NTF3: variants seen among roughly 807,000 people sequenced by gnomAD.
NTF3 encodes neurotrophin-3.
A neutral mutation model predicts 26.3 loss-of-function variants in NTF3; 8 were observed. The observed-to-expected ratio is 0.30, with a 90% CI of 0.18 to 0.55. The LOEUF (loss-of-function observed/expected upper bound fraction) is 0.55, where lower values mean the gene tolerates loss of function less well. Ranked by LOEUF, NTF3 falls within the 20% of genes least tolerant of loss-of-function variation. NTF3 has a pLI of 0.93. For synonymous variants in NTF3, 154 were observed against 145.5 expected, an observed-to-expected ratio of 1.06 and a Z score of -0.42; for missense variants, 276 against 352.9, an observed-to-expected ratio of 0.78 and a Z score of 1.75.
At chr12:5,481,741 A>G (rs1940805261) in intron 1 of NTF3, among the ~76,000 whole-genome samples, 1 of 150,784 alleles carries the variant, frequency 6.6e-6, no homozygotes, top group South Asian at 2.1e-4. Flanking sequence ...ACACAGAATA[A>G]CACCACACAC....
At chr12:5,469,841 T>C (rs1045808933) in intron 1 of NTF3, among the ~76,000 whole-genome samples, 1 of 152,198 alleles carries the variant, frequency 6.6e-6, no homozygotes, top group African/African-American at 2.4e-5. Flanking sequence ...ATTCCCTGTA[T>C]TGATACAAAA....
chr12:5,432,012 G>C (rs1207821360), upstream of NTF3: 1 of 153,726 alleles, frequency 6.5e-6, no homozygotes, highest in Non-Finnish European at 1.4e-5. Flanking sequence ...CGGGCCGGCG[G>C]GGGAGGGCGG....
rs755999364 is a variant in NTF3 at position 5,494,712 on chromosome 12, C to T, written c.537C>T (p.Ile179=). The T allele has an allele frequency of 1.2e-6, 2 of 1,614,108 alleles. No homozygotes were observed. Among genetic ancestry groups the T allele is most frequent in the South Asian group, 1.1e-5 (1 of 91,072 alleles). The change falls in exon 2 of 2, where the codon ATC becomes ATT. Residue 179 remains isoleucine (I), a synonymous_variant. Transcript: ENST00000423158. This position sits in a 1 kb window ranked among gnomAD's most constrained non-coding sequence, Gnocchi z 8.3. ...SLWVTDKSSA[I]DIRGHQVTVL... is the part of the protein sequence containing the mutation. ...GGGTGACCGACAAGTCATCGGCCAT[C>T]GACATTCGGGGACACCAGGTCACGG... is the stretch of plus-strand genomic sequence containing the variant.
chr12:5,437,628 C>A (rs898524101), intron 1 of NTF3, among the ~76,000 whole-genome samples: 1 of 152,220 alleles, frequency 6.6e-6, no homozygotes, highest in Non-Finnish European at 1.5e-5. Flanking sequence ...AGCCCACCAC[C>A]CTGCCTCAAG....
intron 1 of NTF3, among the ~76,000 whole-genome samples, chr12:5,446,463 C>T (rs1217634933): frequency 6.6e-6 from 1 of 152,186 alleles, no homozygotes; most frequent in Non-Finnish European, 1.5e-5. Context: ...CTGTGGGATT[C>T]AGCAATCTTG....
At chr12:5,444,399 G>C (rs1002094377) in intron 1 of NTF3, among the ~76,000 whole-genome samples, 1 of 152,212 alleles carries the variant, frequency 6.6e-6, no homozygotes. Flanking sequence ...GGAGTCCCCA[G>C]CAACAGATAT....
chr12:5,449,561 A>G (rs2121165158), intron 1 of NTF3, among the ~76,000 whole-genome samples: 1 of 152,346 alleles, frequency 6.6e-6, no homozygotes, highest in East Asian at 1.9e-4. Context: ...CCTAGCAAAG[A>G]AACGACTTAC....
At chr12:5,450,640 G>GCTCAGCC (rs1178415871) in intron 1 of NTF3, among the ~76,000 whole-genome samples, 3 of 152,172 alleles carry the variant, frequency 2.0e-5, no homozygotes, top group African/African-American at 4.8e-5. Flanking sequence ...TGGGAACAGT[G>GCTCAGCC]CTCAGCCCTC....
chr12:5,480,187 C>T (rs529081833), intron 1 of NTF3, among the ~76,000 whole-genome samples: 128 of 152,256 alleles, frequency 8.4e-4, no homozygotes, highest in African/African-American at 2.8e-3. Context: ...ATCAAATTCA[C>T]TCATCAAAAG....
At chr12:5,444,266 A>T (rs922157519) in intron 1 of NTF3, among the ~76,000 whole-genome samples, 2 of 152,214 alleles carry the variant, frequency 1.3e-5, no homozygotes, top group Non-Finnish European at 1.5e-5. Flanking sequence ...ATTGTCGATT[A>T]TGTGTTTTCC....
At chr12:5,454,900 C>A (rs1940419689) in intron 1 of NTF3, among the ~76,000 whole-genome samples, 1 of 152,174 alleles carries the variant, frequency 6.6e-6, no homozygotes, top group Middle Eastern at 3.2e-3. Flanking sequence ...GGCTGCTTGG[C>A]AGCCAGGAGT....
intron 1 of NTF3, among the ~76,000 whole-genome samples, chr12:5,487,067 C>T (rs757209975): frequency 2.0e-5 from 3 of 152,184 alleles, no homozygotes; most frequent in Non-Finnish European, 2.9e-5. Context: ...CTTCCTAGTC[C>T]ACCCTCCTTC....
intron 1 of NTF3, among the ~76,000 whole-genome samples, chr12:5,438,418 T>C (rs995315814): frequency 2.0e-5 from 3 of 152,240 alleles, no homozygotes; most frequent in Non-Finnish European, 4.4e-5. Context: ...TTGCCGCAGC[T>C]TTGGTTGTCC....
Position 5,494,407 on chromosome 12 carries a change from A to G in NTF3, c.232A>G (p.Lys78Glu), listed in dbSNP as rs1940977642. ...GGAAAATTACCAGAGCACCCTGCCCAAAGCTGAGGCTCCCCGAGAGCCGGA... is the reference window on the plus strand; with the variant it reads ...GGAAAATTACCAGAGCACCCTGCCCGAAGCTGAGGCTCCCCGAGAGCCGGA... ...VKENYQSTLP[K>E]AEAPREPERG... is the part of the protein sequence containing the mutation. Residue 78 changes from lysine to glutamate, a missense_variant, in exon 2 of 2, where the codon AAA (lysine) becomes GAA (glutamate). Lys to Glu is a moderately conservative substitution (Grantham distance 56). Around this residue, in one of 3 missense-constraint regions of NTF3, gnomAD observed 221 missense variants for 258.2 expected, o/e 0.86. Coordinates refer to ENST00000423158, the MANE Select transcript of NTF3 (RefSeq NM_001102654.2). This position sits in a 1 kb window ranked among gnomAD's most constrained non-coding sequence, Gnocchi z 8.3. The G allele has an allele frequency of 5.0e-6, 8 of 1,613,760 alleles. No individual in the cohort carries two copies. Among genetic ancestry groups the G allele is most frequent in the Non-Finnish European group, 6.8e-6 (8 of 1,180,010 alleles).
chr12:5,471,368 T>C (rs555664091), intron 1 of NTF3, among the ~76,000 whole-genome samples: 2 of 152,164 alleles, frequency 1.3e-5, no homozygotes, highest in Non-Finnish European at 2.9e-5. Flanking sequence ...GGGAAACCAA[T>C]ACTATGTTGA....
chr12:5,491,545 C>A (rs145389510), intron 1 of NTF3, among the ~76,000 whole-genome samples: 1 of 151,916 alleles, frequency 6.6e-6, no homozygotes, highest in Non-Finnish European at 1.5e-5. Flanking sequence ...CACTGAAAAA[C>A]GGGTGAAATT....
chr12:5,452,650 C>G (rs914198813), intron 1 of NTF3, among the ~76,000 whole-genome samples: 2 of 152,144 alleles, frequency 1.3e-5, no homozygotes, highest in African/African-American at 4.8e-5. Flanking sequence ...CTTGAAAGCC[C>G]TGACAGCTCT....
chr12:5,474,762 T>A (rs1159491531), intron 1 of NTF3, among the ~76,000 whole-genome samples: 3 of 151,858 alleles, frequency 2.0e-5, no homozygotes, highest in Admixed American at 2.0e-4. Flanking sequence ...GCGAAAGAGG[T>A]AGCATGGACT....
At chr12:5,445,165 T>C (rs1413994470) in intron 1 of NTF3, among the ~76,000 whole-genome samples, 2 of 152,162 alleles carry the variant, frequency 1.3e-5, no homozygotes, top group East Asian at 3.9e-4. Context: ...GCTGCTTGCA[T>C]GGAAGACCTT....
Sources: gnomAD v4.1 joint callset for allele counts (sites outside exome capture counted in the v4.1 genomes callset) on GRCh38, gnomAD v4.1.1 for gene constraint, gnomAD v4.1.1 regional missense constraint, Gnocchi (gnomAD v3.1) non-coding constraint, MANE v1.5 for transcripts, NCBI Gene and HGNC (gene_info 2026-07-23, HGNC 2026-07-21) for gene names.